LAMA2: variants seen among roughly 807,000 people sequenced by gnomAD.
The protein encoded by LAMA2 is laminin subunit alpha-2.
Under a neutral mutation model 364.8 loss-of-function variants are expected in LAMA2, and 269 were observed. That is an observed-to-expected ratio of 0.74 (90% CI 0.67 to 0.82). LAMA2 has a LOEUF of 0.82. Ranked by LOEUF, LAMA2 falls within the 40% of genes least tolerant of loss-of-function variation. LAMA2 has a pLI of 0.00. For missense variants in LAMA2, 3,807 were observed against 3,873.2 expected (o/e 0.98, Z 0.45); for synonymous variants, 1,379 against 1,370.6 (o/e 1.01, Z -0.14).
intron 1 of LAMA2, chr6:128,929,431 GAGA>G (rs1415462310): frequency 8.2e-6 from 7 of 850,064 alleles, no homozygotes; most frequent in Middle Eastern, 2.2e-4. Context: ...GTAGCTTTTG[GAGA>G]AGGAGTGGAC....
At chr6:129,260,428 A>G (rs1787036461) in intron 14 of LAMA2, among the ~76,000 whole-genome samples, 1 of 152,144 alleles carries the variant, frequency 6.6e-6, no homozygotes. Flanking sequence ...TCTGTCTCCA[A>G]AAAATGAAAA....
chr6:129,118,383 AT>A (rs1776596876), intron 4 of LAMA2, among the ~76,000 whole-genome samples: 1 of 152,142 alleles, frequency 6.6e-6, no homozygotes, highest in Admixed American at 6.5e-5. Context: ...TAGAAGCTAA[AT>A]TTTCTTATCT....
At chr6:129,048,534 TTC>T (rs1562187981) in intron 1 of LAMA2, among the ~76,000 whole-genome samples, 48 of 64,476 alleles carry the variant, frequency 7.4e-4, no homozygotes, top group African/African-American at 3.4e-3. Flanking sequence ...CCTTCCTTCC[TTC>T]CTTCCTTTCT....
intron 56 of LAMA2, among the ~76,000 whole-genome samples, chr6:129,489,789 C>T (rs572630622): frequency 6.6e-6 from 1 of 152,188 alleles, no homozygotes; most frequent in African/African-American, 2.4e-5. Flanking sequence ...GGACACATTT[C>T]TCTTAATATC....
intron 1 of LAMA2, among the ~76,000 whole-genome samples, chr6:128,942,618 G>C (rs1025020697): frequency 3.4e-4 from 52 of 152,266 alleles, no homozygotes; most frequent in African/African-American, 1.2e-3. Flanking sequence ...AGTGGAGATG[G>C]CAGTTTTCTT....
At chr6:128,920,963 T>A (rs1778671344) in intron 1 of LAMA2, among the ~76,000 whole-genome samples, 1 of 152,154 alleles carries the variant, frequency 6.6e-6, no homozygotes, top group African/African-American at 2.4e-5. Flanking sequence ...AACTGACAAT[T>A]TGGATGGACA....
chr6:129,393,013 A>C, intron 36 of LAMA2, 32 bp from the exon 37 acceptor site: 2 of 1,567,156 alleles, frequency 1.3e-6, no homozygotes, highest in South Asian at 1.1e-5. Flanking sequence ...ACATGAGCTC[A>C]TTGTCTATTA....
intron 46 of LAMA2, among the ~76,000 whole-genome samples, chr6:129,453,873 G>A (rs1416580220): frequency 4.0e-5 from 6 of 150,198 alleles, no homozygotes; most frequent in Non-Finnish European, 1.5e-5. Context: ...ATCAGAGTGA[G>A]AAAGGCTTTG....
chr6:129,167,561 T>C (rs1034949403), intron 9 of LAMA2, among the ~76,000 whole-genome samples: 11 of 152,148 alleles, frequency 7.2e-5, no homozygotes, highest in African/African-American at 2.7e-4. Flanking sequence ...CAGTCTATCA[T>C]TGTTGGACAT....
intron 12 of LAMA2, among the ~76,000 whole-genome samples, chr6:129,224,385 G>A (rs1784092879): frequency 6.6e-6 from 1 of 152,166 alleles, no homozygotes; most frequent in Admixed American, 6.5e-5. Context: ...ACACTATGTT[G>A]AATAGGAGTG....
intron 10 of LAMA2, among the ~76,000 whole-genome samples, chr6:129,187,905 T>G (rs929661952): frequency 1.3e-5 from 2 of 151,864 alleles, no homozygotes; most frequent in African/African-American, 4.8e-5. Flanking sequence ...AAATAATGAA[T>G]AAACCTCCAA....
rs564400067 is a variant in LAMA2, at chr6:129,508,921, C to A, written c.8857+1279C>A. ...GCTCTATTTTTGGTGTTTTGAGGAACCTCCAAACTGTTCTGCATAGCAGTT... is the reference window on the plus strand; with the variant it reads ...GCTCTATTTTTGGTGTTTTGAGGAAACTCCAAACTGTTCTGCATAGCAGTT... On this transcript the variant is annotated intron_variant, in intron 62 of 64. Coordinates refer to ENST00000421865, the MANE Select transcript of LAMA2 (RefSeq NM_000426.4). Among the ~76,000 whole-genome samples, 6 of 152,184 alleles carry A rather than the reference C, an allele frequency of 3.9e-5. No homozygotes were observed. The East Asian group carries it at 9.6e-4, about 24-fold the overall frequency.
intron 9 of LAMA2, among the ~76,000 whole-genome samples, chr6:129,172,854 G>A (rs1780291635): frequency 6.6e-6 from 1 of 152,344 alleles, no homozygotes; most frequent in African/African-American, 2.4e-5. Flanking sequence ...TCCAAGCCAG[G>A]TGCAGGATAT....
At chr6:129,196,637 ACCCCT>A (rs1468803753) in intron 12 of LAMA2, among the ~76,000 whole-genome samples, 1 of 152,110 alleles carries the variant, frequency 6.6e-6, no homozygotes, top group Admixed American at 6.6e-5. Flanking sequence ...TGGAGTTCAA[ACCCCT>A]CCTCGCCATC....
At chr6:129,023,505 A>G (rs938528604) in intron 1 of LAMA2, among the ~76,000 whole-genome samples, 3 of 152,106 alleles carry the variant, frequency 2.0e-5, no homozygotes, top group African/African-American at 4.8e-5. Context: ...TAGGCTTTCA[A>G]CTTGATCTGT....
intron 3 of LAMA2, among the ~76,000 whole-genome samples, chr6:129,065,265 T>C (rs1317956817): frequency 1.3e-5 from 2 of 152,136 alleles, no homozygotes; most frequent in African/African-American, 2.4e-5. Flanking sequence ...GTCAACATAA[T>C]AAAGACTGTA....
chr6:129,347,441 G>C (rs1226548834), intron 30 of LAMA2, among the ~76,000 whole-genome samples: 2 of 152,112 alleles, frequency 1.3e-5, no homozygotes, highest in African/African-American at 4.8e-5. Flanking sequence ...GAATTGTGAA[G>C]CACGTTAAGA....
At position 129,478,777 on chromosome 6, in the gene LAMA2, C is replaced by T. The variant is rs778297793; in HGVS notation, c.7536C>T (p.Pro2512=). Residue 2512 remains proline (P), a synonymous_variant, in exon 54 of 65, where the codon CCC becomes CCT. Transcript: ENST00000421865. ...CTCCGTACAATATACTCAGTAGTCC[C>T]GATTATGTTGGTGTTACCAAAGGAT... ...SRTPYNILSS[P]DYVGVTKGCS... is the part of the protein sequence containing the mutation. 10 of 1,612,706 alleles carry T rather than the reference C, an allele frequency of 6.2e-6. No homozygotes were observed. The highest frequency in any genetic ancestry group is 1.1e-5 in the South Asian group (1 of 91,060).
intron 1 of LAMA2, among the ~76,000 whole-genome samples, chr6:128,884,154 T>TTA (rs1380533306): frequency 4.6e-5 from 7 of 152,152 alleles, no homozygotes; most frequent in Non-Finnish European, 7.4e-5. Flanking sequence ...CTCTTAGTGT[T>TTA]TATGTATATA....
Sources: gnomAD v4.1 joint callset for allele counts (sites outside exome capture counted in the v4.1 genomes callset) on GRCh38, gnomAD v4.1.1 for gene constraint, MANE v1.5 for transcripts, NCBI Gene and HGNC (gene_info 2026-07-23, HGNC 2026-07-21) for gene names.